GRIA4: variants seen among roughly 807,000 people sequenced by gnomAD.
GRIA4 encodes glutamate ionotropic receptor AMPA type subunit 4, also known as glutamate receptor 4.
In GRIA4, 34 loss-of-function variants were observed where a neutral mutation model predicts 104.0. The ratio of observed to expected loss-of-function variants is 0.33; its 90% confidence interval spans 0.25 to 0.44. The LOEUF (loss-of-function observed/expected upper bound fraction) is 0.44, where lower values mean the gene tolerates loss of function less well. Ranked by LOEUF, GRIA4 falls within the 20% of genes least tolerant of loss-of-function variation. GRIA4 has a pLI of 1.00. For missense variants in GRIA4, 750 were observed against 1,096.5 expected (o/e 0.68, Z 4.46); for synonymous variants, 386 against 381.9 (o/e 1.01, Z -0.13).
chr11:105,680,216 A>C (rs2135462803), intron 3 of GRIA4, among the ~76,000 whole-genome samples: 1 of 152,234 alleles, frequency 6.6e-6, no homozygotes, highest in South Asian at 2.1e-4. Context: ...TCTCGTAAGG[A>C]CACAGGGACA....
At chr11:105,820,685 C>T (rs2135900746) in intron 4 of GRIA4, among the ~76,000 whole-genome samples, 1 of 151,986 alleles carries the variant, frequency 6.6e-6, no homozygotes, top group Middle Eastern at 3.4e-3. Context: ...ATTTATTATT[C>T]CATTTATCTC....
chr11:105,636,956 T>C (rs966664407), intron 3 of GRIA4, among the ~76,000 whole-genome samples: 2 of 152,168 alleles, frequency 1.3e-5, no homozygotes, highest in Admixed American at 1.3e-4. Context: ...GCCTTTTCAG[T>C]TGGTTTTAAC....
At chr11:105,768,027 TA>T (rs1194762774) in intron 4 of GRIA4, among the ~76,000 whole-genome samples, 1 of 151,804 alleles carries the variant, frequency 6.6e-6, no homozygotes, top group African/African-American at 2.4e-5. Context: ...CTGAAAGGAT[TA>T]AAAAAAAGAG....
chr11:105,663,203 C>T (rs1036231051), intron 3 of GRIA4, among the ~76,000 whole-genome samples: 1 of 151,812 alleles, frequency 6.6e-6, no homozygotes, highest in African/African-American at 2.4e-5. Flanking sequence ...TTTACTCAAG[C>T]CATTTTTAAT....
Position 105,874,925 on chromosome 11 carries a change from C to T in GRIA4, c.673-12594C>T, listed in dbSNP as rs1030991447. 4.1e-4 allele frequency among the ~76,000 whole-genome samples: 62 copies of T among 152,254 alleles called. 1 individual carries two copies. The highest frequency in any genetic ancestry group is 1.4e-3 in the African/African-American group (57 of 41,544). On this transcript the variant is annotated intron_variant, in intron 5 of 16. Transcript: ENST00000282499. ...TTCATCTCTTTTTCTTGCCTGATTA[C>T]CCTGGCCAGAACTTCCAATAATGTG...
At chr11:105,914,028 A>G (rs988460364) in intron 10 of GRIA4, among the ~76,000 whole-genome samples, 4 of 151,812 alleles carry the variant, frequency 2.6e-5, no homozygotes, top group Admixed American at 2.0e-4. Context: ...GTGCATTATA[A>G]TAACATACAC....
At chr11:105,660,349 A>C (rs566334660) in intron 3 of GRIA4, among the ~76,000 whole-genome samples, 170 of 151,816 alleles carry the variant, frequency 1.1e-3, no homozygotes, top group Non-Finnish European at 1.9e-3. Context: ...AATTCTCATA[A>C]AAAGTATTGA....
intron 3 of GRIA4, among the ~76,000 whole-genome samples, chr11:105,621,020 T>C (rs111254986): frequency 6.6e-6 from 1 of 151,852 alleles, no homozygotes; most frequent in Non-Finnish European, 1.5e-5. Context: ...GCCTCCGACT[T>C]AAGAAAACTG....
intron 14 of GRIA4, among the ~76,000 whole-genome samples, chr11:105,959,664 C>G (rs947255639): frequency 1.5e-4 from 23 of 152,190 alleles, no homozygotes; most frequent in African/African-American, 5.3e-4. Flanking sequence ...TTGTGATCAT[C>G]TGGAGGAGAA....
intron 3 of GRIA4, among the ~76,000 whole-genome samples, chr11:105,622,640 C>T (rs189752936): frequency 1.6e-4 from 24 of 151,844 alleles, no homozygotes; most frequent in East Asian, 7.7e-4. Context: ...TTCACTTTCT[C>T]CATCTCTATT....
intron 4 of GRIA4, among the ~76,000 whole-genome samples, chr11:105,823,420 A>G (rs1247746911): frequency 1.3e-5 from 2 of 152,118 alleles, no homozygotes; most frequent in East Asian, 3.9e-4. Context: ...AAAGAGAAGA[A>G]AAAATACAGA....
intron 4 of GRIA4, among the ~76,000 whole-genome samples, chr11:105,845,664 G>A (rs996601056): frequency 4.6e-5 from 7 of 151,256 alleles, no homozygotes; most frequent in Non-Finnish European, 1.0e-4. Flanking sequence ...CGGGTAGATC[G>A]CGAGGTCAGG....
chr11:105,851,268 C>T (rs1171801772), intron 4 of GRIA4, among the ~76,000 whole-genome samples: 1 of 151,972 alleles, frequency 6.6e-6, no homozygotes, highest in African/African-American at 2.4e-5. Context: ...CTTATTCTTT[C>T]CTTTGTGTGA....
intron 3 of GRIA4, among the ~76,000 whole-genome samples, chr11:105,659,347 T>A (rs951307510): frequency 4.6e-5 from 7 of 152,004 alleles, no homozygotes; most frequent in African/African-American, 1.7e-4. Context: ...ATTAAGAGAC[T>A]TCTAGGAAAG....
chr11:105,909,567 A>G lies in GRIA4; in HGVS notation c.1159-868A>G, dbSNP rs536149239. Among the ~76,000 whole-genome samples the G allele has an allele frequency of 2.1e-3, 322 of 152,272 alleles. 3 individuals carry two copies. Among genetic ancestry groups the G allele is most frequent in the African/African-American group, 6.8e-3 (281 of 41,580 alleles). ...CCTCATCTCTAAAATGTGGACAATA[A>G]CTGCCCCTACTCCATACTGGGTATG... On this transcript the variant is annotated intron_variant, in intron 9 of 16. Coordinates refer to ENST00000282499, the MANE Select transcript of GRIA4 (RefSeq NM_000829.4).
intron 14 of GRIA4, among the ~76,000 whole-genome samples, chr11:105,943,846 T>A (rs922707440): frequency 6.6e-6 from 1 of 152,130 alleles, no homozygotes. Context: ...TCTGCAGGTA[T>A]TTGTTTCAGA....
intron 3 of GRIA4, among the ~76,000 whole-genome samples, chr11:105,616,777 G>A (rs576785000): frequency 6.6e-6 from 1 of 151,844 alleles, no homozygotes; most frequent in South Asian, 2.1e-4. Flanking sequence ...AGGAAAATGA[G>A]TGATGTGACT....
intron 4 of GRIA4, among the ~76,000 whole-genome samples, chr11:105,832,614 A>G (rs182443399): frequency 1.3e-5 from 2 of 151,970 alleles, no homozygotes; most frequent in East Asian, 1.9e-4. Context: ...CCGACTCCCA[A>G]TTCAGTTCTG....
intron 14 of GRIA4, among the ~76,000 whole-genome samples, chr11:105,953,165 A>G (rs1948498153): frequency 6.6e-6 from 1 of 152,266 alleles, no homozygotes; most frequent in African/African-American, 2.4e-5. Flanking sequence ...AATAGTTGAT[A>G]AAGGGTAGAA....
Sources: allele counts gnomAD v4.1 joint callset (sites outside exome capture counted in the v4.1 genomes callset), GRCh38; gene constraint gnomAD v4.1.1; transcripts MANE v1.5; gene names NCBI Gene and HGNC (gene_info 2026-07-23, HGNC 2026-07-21).